The following GRIN2B variants were observed in gnomAD, a reference collection of about 807,000 sequenced individuals.
GRIN2B encodes the protein glutamate receptor ionotropic, NMDA 2B.
GRIN2B carries 5 observed loss-of-function variants against 114.5 expected under a neutral mutation model. The observed-to-expected ratio is 0.04, with a 90% CI of 0.02 to 0.09. The LOEUF (loss-of-function observed/expected upper bound fraction) is 0.09. Ranked by LOEUF, GRIN2B falls within the 10% of genes least tolerant of loss-of-function variation. The pLI is 1.00. For synonymous variants in GRIN2B, 787 were observed against 745.1 expected, an observed-to-expected ratio of 1.06 and a Z score of -0.92; for missense variants, 1,108 against 1,943.5, an observed-to-expected ratio of 0.57 and a Z score of 8.08.
At chr12:13,612,311 A>G (rs1024792140) in intron 8 of GRIN2B, among the ~76,000 whole-genome samples, 9 of 152,202 alleles carry the variant, frequency 5.9e-5, no homozygotes, top group Non-Finnish European at 8.8e-5. Flanking sequence ...ACTATTTTAG[A>G]GTTGAATTTG....
chr12:13,831,704 C>T (rs538713895), intron 3 of GRIN2B, among the ~76,000 whole-genome samples: 1 of 152,292 alleles, frequency 6.6e-6, no homozygotes, highest in Admixed American at 6.5e-5. Flanking sequence ...TGTCATAGGC[C>T]CCTTGTCTGC....
intron 2 of GRIN2B, among the ~76,000 whole-genome samples, chr12:13,907,061 C>A (rs1866548511): frequency 6.6e-6 from 1 of 152,134 alleles, no homozygotes; most frequent in African/African-American, 2.4e-5. Context: ...TTCCTCCCAG[C>A]CTCACAATTT....
chr12:13,913,126 G>T (rs1190410731), intron 2 of GRIN2B, among the ~76,000 whole-genome samples: 8 of 152,200 alleles, frequency 5.3e-5, no homozygotes, highest in African/African-American at 1.9e-4. Flanking sequence ...TCAATGCCCA[G>T]AGTCCACATG....
chr12:13,775,523 T>G (rs913254645), intron 3 of GRIN2B, among the ~76,000 whole-genome samples: 60 of 152,350 alleles, frequency 3.9e-4, no homozygotes, highest in African/African-American at 1.4e-3. Flanking sequence ...CAGGTATTTG[T>G]TTGCAGTTCT....
Position 13,658,746 on chromosome 12 carries a change from T to G in GRIN2B, c.1125+16999A>C, listed in dbSNP as rs535789292. ...AGAACAGAGCTACATTGTTCTGTGA[T>G]TGCCTGGCATGGTCTGTTTTTGATG... On this transcript the variant is annotated intron_variant, in intron 5 of 13. Transcript: ENST00000609686. Among the ~76,000 whole-genome samples the G allele has an allele frequency of 1.8e-4, 28 of 152,250 alleles. No homozygotes were observed. The South Asian group carries it at 5.6e-3, about 31-fold the overall frequency.
intron 3 of GRIN2B, among the ~76,000 whole-genome samples, chr12:13,835,772 A>T (rs891241681): frequency 7.1e-4 from 23 of 32,210 alleles, no homozygotes; most frequent in Non-Finnish European, 3.1e-4. Context: ...ATAGCACATT[A>T]AAAAAAAAAA....
At chr12:13,911,566 G>A (rs1866627817) in intron 2 of GRIN2B, among the ~76,000 whole-genome samples, 1 of 152,140 alleles carries the variant, frequency 6.6e-6, no homozygotes, top group Non-Finnish European at 1.5e-5. Context: ...CATGTCTTCT[G>A]TCTTTCTGGT....
intron 2 of GRIN2B, among the ~76,000 whole-genome samples, chr12:13,903,503 A>C (rs1239819110): frequency 1.3e-5 from 2 of 152,268 alleles, no homozygotes; most frequent in South Asian, 2.1e-4. Flanking sequence ...TATCCAAAAC[A>C]TATGAGATTT....
At chr12:13,868,541 T>C (rs1023015974) in intron 2 of GRIN2B, among the ~76,000 whole-genome samples, 3 of 152,176 alleles carry the variant, frequency 2.0e-5, no homozygotes, top group Admixed American at 6.5e-5. Context: ...GGCAAAACTA[T>C]AAGCTAACTT....
intron 3 of GRIN2B, among the ~76,000 whole-genome samples, chr12:13,827,020 G>GT (rs1865049774): frequency 7.0e-6 from 1 of 143,054 alleles, no homozygotes; most frequent in Non-Finnish European, 1.6e-5. Flanking sequence ...TTTGTTGAGA[G>GT]GTTTTTTTTT....
Position 13,544,363 on chromosome 12 carries a change from T to G in GRIN2B, c.*18420A>C, listed in dbSNP as rs1948318787. 6.6e-6 allele frequency: 1 copy of G among 152,292 alleles called. No homozygotes were observed. The highest frequency in any genetic ancestry group is 1.5e-5 in the Non-Finnish European group (1 of 68,142). 9.4% of individuals were successfully genotyped at this position (152,292 alleles called of 1,614,324 possible). On this transcript the variant is annotated 3_prime_UTR_variant, in exon 14 of 14. Coordinates refer to ENST00000609686, the MANE Select transcript of GRIN2B (RefSeq NM_000834.5). ...GGTCCCTTCTCATCTCCTGGAGCTT[T>G]GAACAATCCTCCACCCTGGGCCTCA...
intron 4 of GRIN2B, among the ~76,000 whole-genome samples, chr12:13,700,054 G>A (rs1950296759): frequency 6.6e-6 from 1 of 152,090 alleles, no homozygotes; most frequent in Non-Finnish European, 1.5e-5. Flanking sequence ...GGCAGAGGCA[G>A]CTCCAGAATT....
intron 4 of GRIN2B, among the ~76,000 whole-genome samples, chr12:13,749,799 A>G (rs1358244182): frequency 6.6e-6 from 1 of 152,230 alleles, no homozygotes; most frequent in Non-Finnish European, 1.5e-5. Flanking sequence ...GGCTAACTCT[A>G]TAAACCCTGT....
chr12:13,891,282 T>C (rs143404066), intron 2 of GRIN2B, among the ~76,000 whole-genome samples: 1 of 152,158 alleles, frequency 6.6e-6, no homozygotes, highest in Non-Finnish European at 1.5e-5. Flanking sequence ...GTGATTCCTA[T>C]TCAAGAAGGA....
chr12:13,846,518 A>G (rs1865475809), intron 3 of GRIN2B, among the ~76,000 whole-genome samples: 1 of 152,066 alleles, frequency 6.6e-6, no homozygotes, highest in South Asian at 2.1e-4. Flanking sequence ...ATCCACCCAA[A>G]CCAATCTTTT....
At chr12:13,708,866 T>A (rs1950388283) in intron 4 of GRIN2B, among the ~76,000 whole-genome samples, 1 of 152,062 alleles carries the variant, frequency 6.6e-6, no homozygotes. Flanking sequence ...ATTTATTTAG[T>A]TCCAGACTCT....
At chr12:13,648,555 T>C (rs1409692829) in intron 5 of GRIN2B, among the ~76,000 whole-genome samples, 1 of 151,874 alleles carries the variant, frequency 6.6e-6, no homozygotes, top group African/African-American at 2.4e-5. Context: ...GGATTTAAAA[T>C]TTCCTCCCAC....
At chr12:13,953,608 G>A (rs748008684) in intron 2 of GRIN2B, among the ~76,000 whole-genome samples, 1 of 152,184 alleles carries the variant, frequency 6.6e-6, no homozygotes, top group Non-Finnish European at 1.5e-5. Flanking sequence ...GGGTGCTGGA[G>A]AGAGGAGAAG....
intron 10 of GRIN2B, among the ~76,000 whole-genome samples, chr12:13,581,516 C>G (rs1364614505): frequency 6.6e-6 from 1 of 152,170 alleles, no homozygotes. Flanking sequence ...GGTGACCACA[C>G]AAGGAGTAGA....
Sources: allele counts gnomAD v4.1 joint callset (sites outside exome capture counted in the v4.1 genomes callset), GRCh38; gene constraint gnomAD v4.1.1; transcripts MANE v1.5; gene names NCBI Gene and HGNC (gene_info 2026-07-23, HGNC 2026-07-21).